The following GPHN variants were observed in gnomAD, a reference collection of about 807,000 sequenced individuals.
GPHN encodes the protein gephyrin.
A neutral mutation model predicts 95.5 loss-of-function variants in GPHN; 17 were observed. The ratio of observed to expected loss-of-function variants is 0.18; its 90% CI spans 0.12 to 0.27. The LOEUF is 0.27. GPHN is among the 10% of genes least tolerant of loss of function. The probability of loss-of-function intolerance (pLI) is 1.00; values close to 1 mark genes in which losing one functional copy is unlikely to be tolerated. For missense variants in GPHN, 660 were observed against 978.1 expected (o/e 0.67, Z 4.34); for synonymous variants, 320 against 322.5 (o/e 0.99, Z 0.08).
At chr14:67,287,700 A>G in the GPHN span, among the ~76,000 whole-genome samples, 187 of 152,338 alleles carry the variant, frequency 1.2e-3, 2 homozygotes, top group Non-Finnish European at 1.7e-3. Flanking sequence ...TATCCTAGAA[A>G]TTTATTCTAA....
intron 1 of GPHN, among the ~76,000 whole-genome samples, chr14:66,629,250 G>A (rs998706030): frequency 7.6e-6 from 1 of 131,814 alleles, no homozygotes; most frequent in East Asian, 2.3e-4. Flanking sequence ...TAAAACACAC[G>A]TGTGTGTTTC....
intron 9 of GPHN, among the ~76,000 whole-genome samples, chr14:67,004,671 A>G (rs576914745): frequency 2.6e-5 from 4 of 151,882 alleles, no homozygotes; most frequent in Admixed American, 2.6e-4. Context: ...AATTTCACCA[A>G]ATTATTGTTA....
the GPHN span, among the ~76,000 whole-genome samples, chr14:67,547,820 G>T: frequency 1.3e-5 from 2 of 152,154 alleles, no homozygotes; most frequent in Non-Finnish European, 1.5e-5. Context: ...GTGCTAAAAA[G>T]AATTTTTTTA....
intron 8 of GPHN, among the ~76,000 whole-genome samples, chr14:66,937,012 A>T (rs993029930): frequency 4.0e-5 from 6 of 151,624 alleles, no homozygotes; most frequent in Non-Finnish European, 8.8e-5. Context: ...CGTGAAGATA[A>T]TTTTTTTTTC....
chr14:66,577,029 GA>G (rs1228444886), intron 1 of GPHN, among the ~76,000 whole-genome samples: 1 of 151,944 alleles, frequency 6.6e-6, no homozygotes, highest in Non-Finnish European at 1.5e-5. Flanking sequence ...TGTTATAACT[GA>G]AAAAAATAGT....
chr14:67,308,313 CCTTTTTTTTTTTTTT>C, the GPHN span, among the ~76,000 whole-genome samples: 1 of 130,348 alleles, frequency 7.7e-6, no homozygotes, highest in Non-Finnish European at 1.6e-5. Flanking sequence ...AACCAAACTT[CCTTTTTTTTTTTTTT>C]CTTTTTTTTC....
chr14:67,597,921 G>A, the GPHN span, among the ~76,000 whole-genome samples: 6 of 152,074 alleles, frequency 3.9e-5, no homozygotes, highest in Admixed American at 3.9e-4. Flanking sequence ...GAACAACCTG[G>A]AACTTTAATA....
chr14:66,956,073 T>C (rs1353491971), intron 8 of GPHN, among the ~76,000 whole-genome samples: 1 of 152,218 alleles, frequency 6.6e-6, no homozygotes. Flanking sequence ...GTTTTTGTGT[T>C]CTCTATTTCA....
chr14:67,634,457 T>C, the GPHN span, among the ~76,000 whole-genome samples: 1 of 150,170 alleles, frequency 6.7e-6, no homozygotes, highest in Non-Finnish European at 1.5e-5. Context: ...AAAATTTAGC[T>C]AGGTGTGGCT....
intron 2 of GPHN, among the ~76,000 whole-genome samples, chr14:66,750,564 T>G (rs530938958): frequency 1.2e-4 from 18 of 151,990 alleles, no homozygotes; most frequent in Admixed American, 2.0e-4. Flanking sequence ...GCCCCCTCAC[T>G]TTTTTAAGCA....
At chr14:67,373,938 G>A in the GPHN span, among the ~76,000 whole-genome samples, 1 of 151,708 alleles carries the variant, frequency 6.6e-6, no homozygotes, top group Non-Finnish European at 1.5e-5. Context: ...TCCTATTCTG[G>A]AGAAGGAAAA....
the GPHN span, chr14:67,473,801 G>T: frequency 6.2e-7 from 1 of 1,613,906 alleles, no homozygotes; most frequent in Non-Finnish European, 8.5e-7. This position sits in a 1 kb window ranked among gnomAD's most constrained non-coding sequence, Gnocchi z 6.5. Flanking sequence ...TGACCCCAGG[G>T]AACTTCCAGT....
chr14:67,038,642 C>A (rs1001512709), intron 10 of GPHN, among the ~76,000 whole-genome samples: 1 of 152,034 alleles, frequency 6.6e-6, no homozygotes, highest in African/African-American at 2.4e-5. Flanking sequence ...ATACCAATGG[C>A]TTTCTATTTT....
At chr14:67,336,458 G>A in the GPHN span, 1 of 259,296 alleles carries the variant, frequency 3.9e-6, no homozygotes, top group Non-Finnish European at 7.7e-6. Context: ...TTTTAACAAG[G>A]CCAATACATT....
At chr14:66,988,793 G>T (rs906277164) in intron 9 of GPHN, among the ~76,000 whole-genome samples, 6 of 151,806 alleles carry the variant, frequency 4.0e-5, no homozygotes, top group African/African-American at 1.5e-4. Flanking sequence ...AATTGGTTTT[G>T]GTATAAATGT....
At chr14:66,541,551 T>C (rs937330687) in intron 1 of GPHN, among the ~76,000 whole-genome samples, 7 of 152,236 alleles carry the variant, frequency 4.6e-5, no homozygotes, top group African/African-American at 9.6e-5. Context: ...AATATTTTTC[T>C]ATTCAGAGCA....
chr14:67,326,220 G>GTTTTT, the GPHN span, among the ~76,000 whole-genome samples: 1 of 30,344 alleles, frequency 3.3e-5, no homozygotes, highest in African/African-American at 1.3e-4. Flanking sequence ...ATTTAGGTCT[G>GTTTTT]ATTTTTTTTT....
At chr14:67,514,556 CG>C in the GPHN span, among the ~76,000 whole-genome samples, 1 of 152,016 alleles carries the variant, frequency 6.6e-6, no homozygotes, top group Non-Finnish European at 1.5e-5. Flanking sequence ...GAGAAGGCGG[CG>C]GGGTCATTTT....
At position 66,861,658 on chromosome 14, in the gene GPHN, A is replaced by G. The variant is rs554721547; in HGVS notation, c.295-18281A>G. ...ATGATAGCAAGCATCTTTTCTGACC[A>G]CAATGGAATACAACTGGAAATCAAT... On this transcript the variant is annotated intron_variant, in intron 4 of 22. Transcript: ENST00000478722. 4.8e-4 allele frequency among the ~76,000 whole-genome samples: 73 copies of G among 152,272 alleles called. 1 individual carries two copies. The Middle Eastern group carries it at 0.02, about 43-fold the overall frequency.
Sources: gnomAD v4.1 joint callset for allele counts (sites outside exome capture counted in the v4.1 genomes callset) on GRCh38, gnomAD v4.1.1 for gene constraint, Gnocchi (gnomAD v3.1) non-coding constraint, MANE v1.5 for transcripts, NCBI Gene and HGNC (gene_info 2026-07-23, HGNC 2026-07-21) for gene names.